Variants in SLC1A4 observed in about 807,000 individuals in gnomAD.
The protein encoded by SLC1A4 is neutral amino acid transporter A.
Under a neutral mutation model 37.7 loss-of-function variants are expected in SLC1A4, and 19 were observed. The observed-to-expected ratio is 0.50, with a 90% CI of 0.35 to 0.74. SLC1A4 has a LOEUF of 0.74. Among genes scored for constraint, SLC1A4 ranks in the 30% least tolerant of loss-of-function variants. SLC1A4 has a pLI of 0.01. For missense variants in SLC1A4, 570 were observed against 712.9 expected (o/e 0.80, Z 2.28); for synonymous variants, 299 against 309.8 (o/e 0.97, Z 0.37).
intron 1 of SLC1A4, among the ~76,000 whole-genome samples, chr2:64,994,151 A>C (rs183102329): frequency 7.9e-5 from 12 of 152,378 alleles, no homozygotes; most frequent in Non-Finnish European, 1.6e-4. Context: ...GAAAATTTGG[A>C]AAGGGAGAGA....
chr2:65,003,135 T>C (rs1347833750), intron 2 of SLC1A4, among the ~76,000 whole-genome samples: 1 of 152,194 alleles, frequency 6.6e-6, no homozygotes, highest in Non-Finnish European at 1.5e-5. Flanking sequence ...CACCTCTGCC[T>C]TTCTGTAACA....
At chr2:65,000,727 A>T (rs749696894) in intron 1 of SLC1A4, 1 of 152,214 alleles carries the variant, frequency 6.6e-6, no homozygotes, top group Non-Finnish European at 1.5e-5. Context: ...CTTGTTTTGG[A>T]ATTAGTTTAG....
At chr2:64,999,130 G>GT (rs1673371119) in intron 1 of SLC1A4, among the ~76,000 whole-genome samples, 1 of 152,192 alleles carries the variant, frequency 6.6e-6, no homozygotes, top group Non-Finnish European at 1.5e-5. Context: ...AATGTAAGTT[G>GT]TTATTCATCT....
chr2:65,006,766 T>G (rs1205162564), intron 3 of SLC1A4, among the ~76,000 whole-genome samples: 1 of 152,142 alleles, frequency 6.6e-6, no homozygotes, highest in Non-Finnish European at 1.5e-5. Flanking sequence ...TAGATACGTA[T>G]CTAAAAAAAA....
chr2:65,004,522 A>G (rs1298857137), intron 3 of SLC1A4, among the ~76,000 whole-genome samples: 1 of 151,966 alleles, frequency 6.6e-6, no homozygotes, highest in Non-Finnish European at 1.5e-5. Flanking sequence ...TCCTGGCTTC[A>G]CATAATCCTC....
Position 65,022,519 on chromosome 2 carries a change from A to G in SLC1A4, c.*1373A>G, listed in dbSNP as rs1241998586. The G allele has an allele frequency of 6.6e-6, 1 of 152,224 alleles. No homozygotes were observed. The highest frequency in any genetic ancestry group is 1.5e-5 in the Non-Finnish European group (1 of 68,046). 9.4% of individuals were successfully genotyped at this position (152,224 alleles called of 1,614,324 possible). On this transcript the variant is annotated 3_prime_UTR_variant, in exon 8 of 8. Transcript: ENST00000234256. The stretch of plus-strand genomic sequence containing the variant: ...AAAACGACCATTTCACTTCTTGGAT[A>G]TCAAGTGCTAACCCAGTATGTTCTT...
rs1320010948 is a variant in SLC1A4, at chr2:64,989,653, A to G, written c.10A>G (p.Ser4Gly). 5.9e-6 allele frequency: 9 copies of G among 1,531,878 alleles called. No individual in the cohort carries two copies. The highest frequency in any genetic ancestry group is 7.9e-6 in the Non-Finnish European group (9 of 1,146,310). 94.9% of individuals were successfully genotyped at this position (1,531,878 alleles called of 1,614,324 possible). Reference sequence around the variant, plus strand: ...AGCGGCGTGTAGCGCCATGGAGAAGAGCAACGAGACCAACGGCTACCTTGA... The same window carrying G: ...AGCGGCGTGTAGCGCCATGGAGAAGGGCAACGAGACCAACGGCTACCTTGA... MEK[S>G]NETNGYLDSA... The change falls in exon 1 of 8, where the codon AGC becomes GGC. Residue 4 changes from serine (S) to glycine (G), a missense_variant. By Grantham distance (56) the Ser-to-Gly change is moderately conservative. Coordinates refer to ENST00000234256, the MANE Select transcript of SLC1A4 (RefSeq NM_003038.5).
intron 1 of SLC1A4, chr2:64,999,321 GC>G (rs1465240916): frequency 2.0e-5 from 3 of 152,158 alleles, no homozygotes; most frequent in Non-Finnish European, 1.5e-5. Flanking sequence ...TATGCTAAAA[GC>G]AACTCAGGTT....
At chr2:65,004,593 A>G (rs1328032495) in intron 3 of SLC1A4, among the ~76,000 whole-genome samples, 1 of 151,946 alleles carries the variant, frequency 6.6e-6, no homozygotes, top group East Asian at 1.9e-4. Flanking sequence ...GCCCCAGAAA[A>G]CATTTTATAA....
rs545419652 is a variant in SLC1A4, at chr2:65,002,715, C to T, written c.570+1225C>T. On this transcript the variant is annotated intron_variant, in intron 2 of 7. Coordinates refer to ENST00000234256, the MANE Select transcript of SLC1A4 (RefSeq NM_003038.5). ...GCCTCAGCCTTCCAAGTAGCTGGGA[C>T]TACAGGCGCCTGCCACCACACCCAG... is the stretch of plus-strand genomic sequence containing the variant. 1.2e-3 allele frequency among the ~76,000 whole-genome samples: 178 copies of T among 151,454 alleles called. 3 individuals are homozygous for T. The highest frequency in any genetic ancestry group is 2.4e-3 in the Admixed American group (37 of 15,182).
chr2:64,990,078 G>C lies in SLC1A4; in HGVS notation c.435G>C (p.Ala145=), dbSNP rs1195024876. ...TCATCATCAAGCCAGGATCCGGTGC[G>C]CAGACCCTTCAGTCCAGCGACCTGG... ...LAFIIKPGSG[A]QTLQSSDLGL... The change falls in exon 1 of 8, where the codon GCG becomes GCC. Residue 145 remains alanine, a synonymous_variant. Coordinates refer to ENST00000234256, the MANE Select transcript of SLC1A4 (RefSeq NM_003038.5). The C allele has an allele frequency of 6.2e-7, 1 of 1,608,782 alleles. No homozygotes were observed. The highest frequency in any genetic ancestry group is 8.5e-7 in the Non-Finnish European group (1 of 1,177,820).
chr2:64,995,349 G>A (rs940402813), intron 1 of SLC1A4, among the ~76,000 whole-genome samples: 3 of 152,340 alleles, frequency 2.0e-5, no homozygotes, highest in East Asian at 1.9e-4. Context: ...AGGATTAAAT[G>A]AGTTAATATA....
intron 1 of SLC1A4, among the ~76,000 whole-genome samples, chr2:64,992,234 A>G (rs1453197747): frequency 1.3e-5 from 2 of 152,182 alleles, no homozygotes; most frequent in African/African-American, 2.4e-5. Flanking sequence ...GGGAGCCTCA[A>G]TAGGATCTTT....
Position 65,010,589 on chromosome 2 carries a change from T to C in SLC1A4, c.634-8T>C. 6.3e-7 allele frequency: 1 copy of C among 1,596,628 alleles called. No homozygotes were observed. Among genetic ancestry groups the C allele is most frequent in the Non-Finnish European group, 8.5e-7 (1 of 1,173,074 alleles). ...TGTAAACTTGTTCTATCCTCTCTGA[T>C]CCTGCAGATCCCCATAGGCACTGAG... On this transcript the variant is annotated splice_region_variant and splice_polypyrimidine_tract_variant and intron_variant, in intron 3 of 7. Coordinates refer to ENST00000234256, the MANE Select transcript of SLC1A4 (RefSeq NM_003038.5).
chr2:65,019,986 T>C (rs1454223371), intron 7 of SLC1A4, among the ~76,000 whole-genome samples: 3 of 152,184 alleles, frequency 2.0e-5, no homozygotes, highest in Admixed American at 6.5e-5. Context: ...CATTTTTCCC[T>C]CTCTTCAAAA....
chr2:64,997,434 A>G (rs1298821785), intron 1 of SLC1A4, among the ~76,000 whole-genome samples: 1 of 152,214 alleles, frequency 6.6e-6, no homozygotes, highest in African/African-American at 2.4e-5. Context: ...CAAGATACTG[A>G]ACTTTTCCAT....
rs748208855 is a variant in SLC1A4, at chr2:64,989,958, C to G, written c.315C>G (p.Leu105=). 11 of 1,577,272 alleles carry G rather than the reference C, an allele frequency of 7.0e-6. No homozygotes were observed. The South Asian group carries it at 1.0e-4, about 15-fold the overall frequency. ...VCSLVSGAAS[L]DASCLGRLGG... The stretch of plus-strand genomic sequence containing the variant: ...GCCTGGTGTCGGGCGCCGCCTCGCT[C>G]GATGCCAGCTGCCTCGGGCGTCTGG... The change falls in exon 1 of 8, where the codon CTC becomes CTG. Residue 105 remains leucine (L), a synonymous_variant. Coordinates refer to ENST00000234256, the MANE Select transcript of SLC1A4 (RefSeq NM_003038.5).
chr2:65,006,951 T>C (rs572769251), intron 3 of SLC1A4, among the ~76,000 whole-genome samples: 4 of 152,276 alleles, frequency 2.6e-5, no homozygotes, highest in Admixed American at 1.3e-4. Flanking sequence ...ACCCAGAGGC[T>C]CAAGGACACT....
Position 64,989,973 on chromosome 2 carries a change from CG to C in SLC1A4, c.333del (p.Arg112ValfsTer15). ...GAASLDASCLGRLGGIAVAYF... is the reference protein window; with the variant it reads ...GAASLDASCLXRLGGIAVAYF... ...CCGCCTCGCTCGATGCCAGCTGCCT[CG>C]GGCGTCTGGGCGGCATCGCTGTCGC... On this transcript the variant is annotated frameshift_variant, in exon 1 of 8. Transcript: ENST00000234256. LOFTEE classifies it high-confidence loss of function. The C allele has an allele frequency of 6.3e-7, 1 of 1,582,246 alleles. No homozygotes were observed. The highest frequency in any genetic ancestry group is 8.6e-7 in the Non-Finnish European group (1 of 1,164,136).
Sources: allele counts gnomAD v4.1 joint callset (sites outside exome capture counted in the v4.1 genomes callset), GRCh38; gene constraint gnomAD v4.1.1; transcripts MANE v1.5; gene names NCBI Gene and HGNC (gene_info 2026-07-23, HGNC 2026-07-21).